The following NCF1 variants were observed in gnomAD, a reference collection of about 807,000 sequenced individuals.
NCF1 encodes neutrophil cytosol factor 1.
Under a neutral mutation model 34.9 loss-of-function variants are expected in NCF1, and 8 were observed. The observed-to-expected ratio is 0.23, with a 90% CI of 0.13 to 0.41. The LOEUF (loss-of-function observed/expected upper bound fraction) is 0.41. Ranked by LOEUF, NCF1 falls within the 10% of genes least tolerant of loss-of-function variation. NCF1 has a pLI of 1.00. For missense variants in NCF1, 122 were observed against 362.4 expected (o/e 0.34, Z 5.39); for synonymous variants, 57 against 146.3 (o/e 0.39, Z 4.41).
At position 74,788,551 on chromosome 7, in the gene NCF1, T is replaced by C; in HGVS notation, c.906-8T>C. On this transcript the variant is annotated splice_polypyrimidine_tract_variant and splice_region_variant and intron_variant, in intron 9 of 10. Transcript: ENST00000289473. Reference sequence around the variant, plus strand: ...GGGCTTTGACGACGCCCCGTCCCGCTGGGCCAGGTCGTCCATCCGCAACGC... The same window carrying C: ...GGGCTTTGACGACGCCCCGTCCCGCCGGGCCAGGTCGTCCATCCGCAACGC... 1.9e-6 allele frequency: 3 copies of C among 1,541,930 alleles called. No homozygotes were observed. The highest frequency in any genetic ancestry group is 2.6e-6 in the Non-Finnish European group (3 of 1,146,286).
In NCF1 at chr7:74,779,285, C is replaced by T. The variant is rs199938434; in HGVS notation, c.258C>T (p.Ala86=). ...PAPKWFDGQR[A]AENRQGTLTE... is the part of the protein sequence containing the mutation. ...CCAAGTGGTTTGACGGGCAGCGGGC[C>T]GCCGAGAACCGCCAGGGCACACTTA... The change falls in exon 4 of 11, where the codon GCC becomes GCT. Residue 86 remains alanine (A), a synonymous_variant. Coordinates refer to ENST00000289473, the MANE Select transcript of NCF1 (RefSeq NM_000265.7). 2.4e-5 allele frequency: 38 copies of T among 1,609,492 alleles called. 3 individuals carry two copies. Among genetic ancestry groups the T allele is most frequent in the East Asian group, 2.3e-4 (10 of 43,536 alleles).
chr7:74,787,383 T>G (rs1271548430), intron 8 of NCF1, among the ~76,000 whole-genome samples: 2 of 152,064 alleles, frequency 1.3e-5, no homozygotes, highest in African/African-American at 4.8e-5. Flanking sequence ...GAGGTTGCAA[T>G]GAGTCGACAT....
intron 5 of NCF1, among the ~76,000 whole-genome samples, chr7:74,782,576 T>A (rs1408158472): frequency 3.4e-5 from 5 of 146,856 alleles, no homozygotes; most frequent in African/African-American, 5.1e-5. Context: ...AGACCTTGTC[T>A]TTACAAAAAA....
chr7:74,788,839 G>A (rs1191563273), intron 10 of NCF1, 135 bp downstream of exon 10: 72 of 1,354,016 alleles, frequency 5.3e-5, no homozygotes, highest in Non-Finnish European at 7.1e-5. Context: ...GGGACTGGAG[G>A]CGGGGTCAGA....
At chr7:74,777,402 G>C in intron 2 of NCF1, 55 bp downstream of exon 2, 3 of 1,360,118 alleles carry the variant, frequency 2.2e-6, no homozygotes, top group Non-Finnish European at 3.0e-6. Flanking sequence ...TCCACCCTTT[G>C]GGAAGGACCT....
intron 5 of NCF1, among the ~76,000 whole-genome samples, chr7:74,782,631 G>A (rs1796592764): frequency 6.6e-6 from 1 of 151,978 alleles, no homozygotes; most frequent in Non-Finnish European, 1.5e-5. Flanking sequence ...AGCTATTCGG[G>A]AGGCTGAGGC....
intron 8 of NCF1, among the ~76,000 whole-genome samples, chr7:74,787,566 A>G (rs782684474): frequency 1.6e-4 from 24 of 152,180 alleles, no homozygotes; most frequent in Middle Eastern, 3.4e-3. Context: ...TAATCCGCCA[A>G]TGTCTTCTTT....
chr7:74,787,994 G>A lies in NCF1; in HGVS notation c.811G>A (p.Val271Ile). The A allele has an allele frequency of 6.4e-6, 1 of 155,560 alleles. No homozygotes were observed. The highest frequency in any genetic ancestry group is 2.0e-4 in the East Asian group (1 of 4,998). 9.6% of individuals were successfully genotyped at this position (155,560 alleles called of 1,614,324 possible). A position where few individuals can be genotyped will look rare whatever the true frequency, so the allele number is the denominator to read the frequency against. The change falls in exon 9 of 11, where the codon GTC becomes ATC. Residue 271 changes from valine to isoleucine, a missense_variant. Val to Ile is a conservative substitution (Grantham distance 29). Coordinates refer to ENST00000289473, the MANE Select transcript of NCF1 (RefSeq NM_000265.7). ...DGWWVIRKDDVTGYFPSMYLQ... is the reference protein window; with the variant it reads ...DGWWVIRKDDITGYFPSMYLQ... The stretch of plus-strand genomic sequence containing the variant: ...CTGCCTCTGTTGCAGGAAAGACGAC[G>A]TCACAGGCTACTTCCCGTCCATGTA...
intron 5 of NCF1, among the ~76,000 whole-genome samples, chr7:74,782,419 C>G (rs1158578303): frequency 2.5e-5 from 1 of 40,750 alleles, no homozygotes; most frequent in Non-Finnish European, 4.4e-5. Context: ...AGTGACAGAG[C>G]GAGACTCCAT....
chr7:74,785,658 C>T (rs1371933448), intron 8 of NCF1: 11 of 351,786 alleles, frequency 3.1e-5, no homozygotes, highest in Non-Finnish European at 5.1e-5. Context: ...CAGGACAGGA[C>T]GATCATGTGA....
Position 74,788,520 on chromosome 7 carries a change from G to A in NCF1, c.906-39G>A, listed in dbSNP as rs1447892247. The A allele has an allele frequency of 6.5e-6, 10 of 1,529,008 alleles. No homozygotes were observed. The South Asian group carries it at 7.2e-5, about 11-fold the overall frequency. 94.7% of individuals were successfully genotyped at this position (1,529,008 alleles called of 1,614,324 possible). A position where few individuals can be genotyped will look rare whatever the true frequency, so the allele number is the denominator to read the frequency against. The stretch of plus-strand genomic sequence containing the variant: ...CATCTGAGTCCCTGGGGGCAGGGGC[G>A]CCCTCGGGCTTTGACGACGCCCCGT... On this transcript the variant is annotated intron_variant, in intron 9 of 10. Coordinates refer to ENST00000289473, the MANE Select transcript of NCF1 (RefSeq NM_000265.7).
At chr7:74,775,931 A>C (rs1313651862) in intron 1 of NCF1, among the ~76,000 whole-genome samples, 1 of 127,050 alleles carries the variant, frequency 7.9e-6, no homozygotes, top group South Asian at 2.7e-4. Flanking sequence ...GTTTTGCCAT[A>C]TTGATTCTGG....
In NCF1 at chr7:74,783,599, G is replaced by T; in HGVS notation, c.649G>T (p.Asp217Tyr). 6.2e-7 allele frequency: 1 copy of T among 1,611,716 alleles called. No homozygotes were observed. The highest frequency in any genetic ancestry group is 1.1e-5 in the South Asian group (1 of 90,976). ...ASFLEPLDSP[D>Y]ETEDPEPNYA... The stretch of plus-strand genomic sequence containing the variant: ...CTTCCTCGAGCCCCTGGACAGTCCT[G>T]ACGAGACGGAAGACCCTGAGCCCAA... Residue 217 changes from aspartate to tyrosine, a missense_variant, in exon 7 of 11, where the codon GAC (aspartate) becomes TAC (tyrosine). By Grantham distance (160) the Asp-to-Tyr change is radical. Around this residue, in one of 9 missense-constraint regions of NCF1, gnomAD observed 57 missense variants for 89.3 expected, o/e 0.64. Transcript: ENST00000289473.
intron 9 of NCF1, 41 bp from the exon 10 acceptor site, chr7:74,788,518 G>A (rs1554414853): frequency 7.9e-6 from 12 of 1,526,680 alleles, no homozygotes; most frequent in Non-Finnish European, 1.8e-6. Flanking sequence ...GGGGGCAGGG[G>A]CGCCCTCGGG....
intron 8 of NCF1, among the ~76,000 whole-genome samples, chr7:74,786,183 T>A: frequency 1.1e-5 from 1 of 92,228 alleles, no homozygotes; most frequent in Non-Finnish European, 2.2e-5. Context: ...TGCAGTGAGC[T>A]ATGACTGCAC....
Position 74,788,549 on chromosome 7 carries a change from G to T in NCF1, c.906-10G>T. The T allele has an allele frequency of 4.5e-6, 7 of 1,541,094 alleles. No individual in the cohort carries two copies. Among genetic ancestry groups the T allele is most frequent in the Admixed American group, 2.0e-5 (1 of 50,784 alleles). On this transcript the variant is annotated splice_polypyrimidine_tract_variant and intron_variant, in intron 9 of 10. Coordinates refer to ENST00000289473, the MANE Select transcript of NCF1 (RefSeq NM_000265.7). ...TCGGGCTTTGACGACGCCCCGTCCC[G>T]CTGGGCCAGGTCGTCCATCCGCAAC... is the stretch of plus-strand genomic sequence containing the variant.
At chr7:74,782,689 T>C (rs587635992) in intron 5 of NCF1, among the ~76,000 whole-genome samples, 1 of 152,196 alleles carries the variant, frequency 6.6e-6, no homozygotes, top group South Asian at 2.1e-4. Context: ...TGAGCTGTGA[T>C]CACGTCACTG....
chr7:74,778,993 G>C, intron 2 of NCF1, 89 bp from the exon 3 acceptor site: 1 of 648,300 alleles, frequency 1.5e-6, no homozygotes, highest in Admixed American at 2.4e-5. Context: ...GGTTTTGAGA[G>C]GTATTTAGGT....
chr7:74,785,827 G>A (rs1796662229), intron 8 of NCF1, among the ~76,000 whole-genome samples: 1 of 149,066 alleles, frequency 6.7e-6, no homozygotes, highest in African/African-American at 2.5e-5. Context: ...AGGTTGCAGT[G>A]AGCCAAGATC....
Sources: allele counts gnomAD v4.1 joint callset (sites outside exome capture counted in the v4.1 genomes callset), GRCh38; gene constraint gnomAD v4.1.1; regional missense constraint gnomAD v4.1.1; transcripts MANE v1.5; gene names NCBI Gene and HGNC (gene_info 2026-07-23, HGNC 2026-07-21).